ASAP2: variants seen among roughly 807,000 people sequenced by gnomAD.
The protein encoded by ASAP2 is arf-GAP with SH3 domain, ANK repeat and PH domain-containing protein 2.
Under a neutral mutation model 131.4 loss-of-function variants are expected in ASAP2, and 45 were observed. That is an observed-to-expected ratio of 0.34 (90% CI 0.27 to 0.44). ASAP2 has a LOEUF of 0.44. Among genes scored for constraint, ASAP2 ranks in the 20% least tolerant of loss-of-function variants. ASAP2 has a pLI of 1.00. For synonymous variants in ASAP2, 510 were observed against 503.0 expected, an observed-to-expected ratio of 1.01 and a Z score of -0.19; for missense variants, 1,011 against 1,297.0, an observed-to-expected ratio of 0.78 and a Z score of 3.39.
intron 1 of ASAP2, among the ~76,000 whole-genome samples, chr2:9,260,850 C>T (rs978518332): frequency 6.6e-6 from 1 of 152,200 alleles, no homozygotes; most frequent in Non-Finnish European, 1.5e-5. Flanking sequence ...AACCTGGACA[C>T]ATGCAAATGA....
intron 3 of ASAP2, among the ~76,000 whole-genome samples, chr2:9,318,154 G>A (rs1203320656): frequency 6.6e-6 from 1 of 152,232 alleles, no homozygotes; most frequent in Non-Finnish European, 1.5e-5. Context: ...CTTATGGGTG[G>A]AGCCGTGATT....
At chr2:9,233,892 C>T (rs1225903906) in intron 1 of ASAP2, among the ~76,000 whole-genome samples, 2 of 151,794 alleles carry the variant, frequency 1.3e-5, no homozygotes, top group African/African-American at 2.4e-5. Context: ...GGGTGGATCA[C>T]CTGAGGTCAG....
At chr2:9,397,727 G>GATATATATATAT (rs200560260) in intron 24 of ASAP2, among the ~76,000 whole-genome samples, 6 of 83,516 alleles carry the variant, frequency 7.2e-5, no homozygotes, top group African/African-American at 4.6e-4. Context: ...AAATCAAAAG[G>GATATATATATAT]ATATATATAT....
intron 2 of ASAP2, among the ~76,000 whole-genome samples, chr2:9,283,066 TAG>T (rs1667238161): frequency 6.7e-6 from 1 of 148,554 alleles, no homozygotes; most frequent in South Asian, 2.1e-4. Context: ...TCTCTTGTAA[TAG>T]ATTCTTTTTT....
intron 1 of ASAP2, among the ~76,000 whole-genome samples, chr2:9,213,320 G>A (rs1341699997): frequency 2.0e-5 from 3 of 152,200 alleles, no homozygotes; most frequent in Admixed American, 1.3e-4. Context: ...CAGGGTGTGT[G>A]GGGAGGAGTG....
At position 9,374,772 on chromosome 2, in the gene ASAP2, A is replaced by G; in HGVS notation, c.1574A>G (p.Tyr525Cys). 1.2e-6 allele frequency: 2 copies of G among 1,603,956 alleles called. No homozygotes were observed. The highest frequency in any genetic ancestry group is 1.7e-6 in the Non-Finnish European group (2 of 1,176,434). The change falls in exon 17 of 28, where the codon TAC (tyrosine) becomes TGC (cysteine). Residue 525 changes from tyrosine (Y) to cysteine (C), a missense_variant. Around this residue, in one of 2 missense-constraint regions of ASAP2, gnomAD observed 652 missense variants for 698.9 expected, o/e 0.93. Transcript: ENST00000281419. Reference sequence around the variant, plus strand: ...GGTTTCAGGAATGCAAGAAAGGACTACATCACAGCCAAGTACATCGAGAGG... The same window carrying G: ...GGTTTCAGGAATGCAAGAAAGGACTGCATCACAGCCAAGTACATCGAGAGG... ...PGSDMNARKD[Y>C]ITAKYIERRY...
At chr2:9,331,797 T>C (rs1572473126) in intron 7 of ASAP2, among the ~76,000 whole-genome samples, 1 of 149,058 alleles carries the variant, frequency 6.7e-6, no homozygotes, top group Admixed American at 6.7e-5. Flanking sequence ...GTTTGAAAGG[T>C]GGTGATGAAT....
At chr2:9,297,958 T>C (rs762135629) in intron 3 of ASAP2, among the ~76,000 whole-genome samples, 1 of 150,756 alleles carries the variant, frequency 6.6e-6, no homozygotes, top group Non-Finnish European at 1.5e-5. Flanking sequence ...GCCGTGGGAA[T>C]GCGGTGCTGG....
At chr2:9,238,674 CT>C (rs1225122684) in intron 1 of ASAP2, among the ~76,000 whole-genome samples, 2 of 151,984 alleles carry the variant, frequency 1.3e-5, no homozygotes, top group African/African-American at 2.4e-5. Context: ...GTTTGTTTCC[CT>C]TTTTGGCCAG....
At chr2:9,345,621 AG>A (rs1671913465) in intron 11 of ASAP2, among the ~76,000 whole-genome samples, 1 of 152,060 alleles carries the variant, frequency 6.6e-6, no homozygotes, top group African/African-American at 2.4e-5. Flanking sequence ...AGAGATGCTG[AG>A]GGTTGTTTGC....
chr2:9,388,841 A>G (rs553798773), intron 22 of ASAP2, among the ~76,000 whole-genome samples: 5 of 152,138 alleles, frequency 3.3e-5, no homozygotes, highest in South Asian at 2.1e-4. Flanking sequence ...CTGGGCCAAA[A>G]GACACACTCC....
intron 2 of ASAP2, among the ~76,000 whole-genome samples, chr2:9,284,204 G>A (rs1325733218): frequency 6.6e-6 from 1 of 152,232 alleles, no homozygotes; most frequent in Non-Finnish European, 1.5e-5. Context: ...TCTGGTGGTG[G>A]AGGAGACGTT....
intron 1 of ASAP2, among the ~76,000 whole-genome samples, chr2:9,230,520 G>A (rs143746814): frequency 2.6e-5 from 4 of 152,366 alleles, no homozygotes; most frequent in African/African-American, 9.6e-5. Context: ...TGGACTGCAA[G>A]CTGCTTTCCC....
At chr2:9,233,962 T>C (rs1572213187) in intron 1 of ASAP2, among the ~76,000 whole-genome samples, 1 of 151,886 alleles carries the variant, frequency 6.6e-6, no homozygotes, top group Admixed American at 6.6e-5. Context: ...AATATAAAAA[T>C]TAGCTGGTCG....
chr2:9,388,350 C>G lies in ASAP2; in HGVS notation c.2187C>G (p.Asn729Lys), dbSNP rs759962971. 10 of 1,614,156 alleles carry G rather than the reference C, an allele frequency of 6.2e-6. No individual in the cohort carries two copies. The highest frequency in any genetic ancestry group is 8.5e-6 in the Non-Finnish European group (10 of 1,180,028). The part of the protein sequence containing the change: ...RPISFYQLGS[N>K]QLQSNAVSLA... Reference sequence around the variant, plus strand: ...TCAGCTTCTACCAGCTGGGCTCCAACCAGCTTCAGTCTAACGCTGTATCTT... The same window carrying G: ...TCAGCTTCTACCAGCTGGGCTCCAAGCAGCTTCAGTCTAACGCTGTATCTT... Residue 729 changes from asparagine (N) to lysine (K), a missense_variant, in exon 22 of 28, where the codon AAC becomes AAG. This residue lies in a region of ASAP2 where 652 missense variants were observed against 698.9 expected (regional missense o/e 0.93). Coordinates refer to ENST00000281419, the MANE Select transcript of ASAP2 (RefSeq NM_003887.3).
rs1418834120 is a variant in ASAP2, at chr2:9,207,488, C to G, written c.126+258C>G. On this transcript the variant is annotated intron_variant, in intron 1 of 27. Transcript: ENST00000281419. This position sits in a 1 kb window ranked among gnomAD's most constrained non-coding sequence, Gnocchi z 4.1. Reference sequence around the variant, plus strand: ...GCGGGGTTCCGCGGCCTGGTCTTTTCCCCGCAGCGCGGCCAACTTTGTCCA... The same window carrying G: ...GCGGGGTTCCGCGGCCTGGTCTTTTGCCCGCAGCGCGGCCAACTTTGTCCA... Among the ~76,000 whole-genome samples the G allele has an allele frequency of 6.6e-6, 1 of 152,028 alleles. No individual in the cohort carries two copies. Among genetic ancestry groups the G allele is most frequent in the Non-Finnish European group, 1.5e-5 (1 of 67,960 alleles).
At chr2:9,334,224 AAT>A (rs1471772587) in intron 7 of ASAP2, among the ~76,000 whole-genome samples, 1 of 86,284 alleles carries the variant, frequency 1.2e-5, no homozygotes, top group Non-Finnish European at 2.5e-5. Flanking sequence ...TTGTATTTTT[AAT>A]AGAGTATTTT....
chr2:9,339,518 CTT>C (rs1208760165), intron 9 of ASAP2, among the ~76,000 whole-genome samples: 2 of 151,530 alleles, frequency 1.3e-5, no homozygotes, highest in Non-Finnish European at 3.0e-5. Context: ...TATTAATAAT[CTT>C]AATAAATATT....
intron 2 of ASAP2, 111 bp from the exon 3 acceptor site, chr2:9,297,189 C>T: frequency 7.4e-7 from 1 of 1,353,386 alleles, no homozygotes; most frequent in Non-Finnish European, 1.0e-6. Context: ...TGACTTTTCT[C>T]AGATTTTTCT....
Sources: gnomAD v4.1 joint callset for allele counts (sites outside exome capture counted in the v4.1 genomes callset) on GRCh38, gnomAD v4.1.1 for gene constraint, gnomAD v4.1.1 regional missense constraint, Gnocchi (gnomAD v3.1) non-coding constraint, MANE v1.5 for transcripts, NCBI Gene and HGNC (gene_info 2026-07-23, HGNC 2026-07-21) for gene names.